DPP10: variants seen among roughly 807,000 people sequenced by gnomAD.
DPP10 encodes dipeptidyl peptidase like 10, also known as inactive dipeptidyl peptidase 10.
In DPP10, 33 loss-of-function variants were observed where a neutral mutation model predicts 120.9. The ratio of observed to expected loss-of-function variants is 0.27; its 90% CI spans 0.21 to 0.37. The LOEUF (loss-of-function observed/expected upper bound fraction) is 0.37. DPP10 is among the 10% of genes least tolerant of loss of function. The pLI is 1.00. For missense variants in DPP10, 816 were observed against 942.8 expected (o/e 0.87, Z 1.76); for synonymous variants, 337 against 326.1 (o/e 1.03, Z -0.36).
intron 8 of DPP10, among the ~76,000 whole-genome samples, chr2:115,730,705 A>T (rs149504914): frequency 1.3e-5 from 2 of 152,178 alleles, no homozygotes; most frequent in Non-Finnish European, 2.9e-5. Context: ...ATAAAAATCT[A>T]TGTATTCGGT....
chr2:115,500,724 C>G (rs1687011489), intron 4 of DPP10, among the ~76,000 whole-genome samples: 2 of 151,950 alleles, frequency 1.3e-5, no homozygotes, highest in African/African-American at 4.8e-5. Context: ...ACTTTGTGTG[C>G]AACTCTTTAT....
At chr2:115,101,887 A>G (rs538910301) in intron 1 of DPP10, among the ~76,000 whole-genome samples, 20 of 152,326 alleles carry the variant, frequency 1.3e-4, no homozygotes, top group African/African-American at 4.6e-4. Context: ...CAGTGGACCA[A>G]TTTGCAAAAT....
chr2:114,750,296 G>C (rs1679079820), intron 1 of DPP10, among the ~76,000 whole-genome samples: 1 of 151,176 alleles, frequency 6.6e-6, no homozygotes, highest in African/African-American at 2.4e-5. Flanking sequence ...CCCCAGACCA[G>C]ATTAATCAGT....
intron 1 of DPP10, among the ~76,000 whole-genome samples, chr2:114,739,470 C>A (rs550955640): frequency 6.6e-6 from 1 of 152,184 alleles, no homozygotes; most frequent in East Asian, 1.9e-4. Flanking sequence ...ACAAGCCTTC[C>A]CAACATAGCA....
chr2:114,559,890 G>GAA (rs1688617703), intron 1 of DPP10, among the ~76,000 whole-genome samples: 1 of 20,718 alleles, frequency 4.8e-5, no homozygotes, highest in Admixed American at 4.8e-4. Context: ...AAGAAAAAAA[G>GAA]CAAAAAAAAA....
chr2:115,283,422 A>T (rs948194540), intron 1 of DPP10, among the ~76,000 whole-genome samples: 3 of 152,114 alleles, frequency 2.0e-5, no homozygotes, highest in South Asian at 2.1e-4. Flanking sequence ...TTCTTCTCAT[A>T]CTAATTATTT....
rs3036394 is a variant in DPP10 at position 114,831,857 on chromosome 2, A to AATAT, written c.60+389031_60+389034dup. ...TCTTTCTCTCTCTTTAATTAAAAAA[A>AATAT]ATATATATATATATAATATATATGT... On this transcript the variant is annotated intron_variant, in intron 1 of 25. Transcript: ENST00000410059. Among the ~76,000 whole-genome samples, 487 of 146,082 alleles carry AATAT rather than the reference A, an allele frequency of 3.3e-3. 2 individuals are homozygous for AATAT. The highest frequency in any genetic ancestry group is 5.4e-3 in the Non-Finnish European group (363 of 66,630).
At chr2:115,759,436 T>G (rs1482151241) in intron 11 of DPP10, among the ~76,000 whole-genome samples, 2 of 151,354 alleles carry the variant, frequency 1.3e-5, no homozygotes, top group African/African-American at 2.4e-5. Flanking sequence ...CATTAGACAT[T>G]AGCAAAATAT....
intron 13 of DPP10, among the ~76,000 whole-genome samples, chr2:115,773,925 G>A (rs1490055265): frequency 1.3e-5 from 2 of 151,954 alleles, no homozygotes; most frequent in Middle Eastern, 3.2e-3. Flanking sequence ...GCAAAATGAG[G>A]GTTCAACTTG....
chr2:114,655,446 CG>C (rs1696897748), intron 1 of DPP10, among the ~76,000 whole-genome samples: 1 of 152,132 alleles, frequency 6.6e-6, no homozygotes, highest in Non-Finnish European at 1.5e-5. Flanking sequence ...GCAAGAAAAG[CG>C]CATTTAGAAG....
intron 5 of DPP10, among the ~76,000 whole-genome samples, chr2:115,669,943 T>C (rs2089737246): frequency 6.6e-6 from 1 of 152,102 alleles, no homozygotes; most frequent in African/African-American, 2.4e-5. Context: ...TTTAGTCAAT[T>C]GGGGGTGCTA....
intron 3 of DPP10, among the ~76,000 whole-genome samples, chr2:115,444,008 G>T (rs1425270834): frequency 2.0e-5 from 3 of 152,110 alleles, no homozygotes; most frequent in African/African-American, 7.2e-5. Context: ...ATTCTTATTA[G>T]CAGTTCCCTG....
chr2:114,587,556 G>A (rs1010545221), intron 1 of DPP10, among the ~76,000 whole-genome samples: 1 of 151,968 alleles, frequency 6.6e-6, no homozygotes, highest in Non-Finnish European at 1.5e-5. Flanking sequence ...CAATTTAAAT[G>A]AGAAACAAAT....
intron 1 of DPP10, among the ~76,000 whole-genome samples, chr2:115,242,616 C>T (rs1278315317): frequency 6.6e-6 from 1 of 151,270 alleles, no homozygotes; most frequent in African/African-American, 2.4e-5. Context: ...TGCTAGTTTA[C>T]ATTACTACCA....
At chr2:114,656,122 G>A (rs1188750348) in intron 1 of DPP10, among the ~76,000 whole-genome samples, 1 of 152,110 alleles carries the variant, frequency 6.6e-6, no homozygotes, top group East Asian at 1.9e-4. Flanking sequence ...CTGAAAATGA[G>A]TAATTTTTAG....
intron 1 of DPP10, among the ~76,000 whole-genome samples, chr2:115,270,624 G>A (rs374300693): frequency 3.9e-5 from 6 of 152,160 alleles, no homozygotes; most frequent in African/African-American, 9.7e-5. Flanking sequence ...AAATGACCAC[G>A]TGGGGAGAGG....
At chr2:115,755,932 G>GTA (rs1679339870) in intron 11 of DPP10, among the ~76,000 whole-genome samples, 2 of 79,206 alleles carry the variant, frequency 2.5e-5, no homozygotes, top group Admixed American at 2.8e-4. Flanking sequence ...TTTTTAAAAA[G>GTA]TGTGTGTGTG....
chr2:115,179,903 C>G (rs1210896812), intron 1 of DPP10, among the ~76,000 whole-genome samples: 2 of 152,124 alleles, frequency 1.3e-5, no homozygotes, highest in African/African-American at 4.8e-5. Context: ...TTTAGTTAAA[C>G]TATTCTTAAC....
At chr2:114,947,273 C>T (rs1218185816) in intron 1 of DPP10, among the ~76,000 whole-genome samples, 1 of 151,814 alleles carries the variant, frequency 6.6e-6, no homozygotes, top group African/African-American at 2.4e-5. Flanking sequence ...AATATAATGT[C>T]CACTTTGATA....
Sources: allele counts gnomAD v4.1 joint callset (sites outside exome capture counted in the v4.1 genomes callset), GRCh38; gene constraint gnomAD v4.1.1; transcripts MANE v1.5; gene names NCBI Gene and HGNC (gene_info 2026-07-23, HGNC 2026-07-21).